CA10: variants seen among roughly 807,000 people sequenced by gnomAD.
The protein encoded by CA10 is carbonic anhydrase-related protein 10.
In CA10, 14 loss-of-function variants were observed where a neutral mutation model predicts 44.2. That is an observed-to-expected ratio of 0.32 (90% confidence interval 0.21 to 0.50). CA10 has a LOEUF of 0.50. Among genes scored for constraint, CA10 ranks in the 20% least tolerant of loss-of-function variants. The pLI is 0.99. For missense variants in CA10, 350 were observed against 409.7 expected (o/e 0.85, Z 1.26); for synonymous variants, 159 against 141.6 (o/e 1.12, Z -0.87).
At chr17:52,002,531 G>T (rs1431651043) in intron 2 of CA10, among the ~76,000 whole-genome samples, 1 of 151,978 alleles carries the variant, frequency 6.6e-6, no homozygotes, top group Non-Finnish European at 1.5e-5. Context: ...TAAACCAATG[G>T]TGAGACTTCA....
chr17:52,144,840 T>C (rs1989550754), intron 1 of CA10, among the ~76,000 whole-genome samples: 1 of 152,200 alleles, frequency 6.6e-6, no homozygotes, highest in South Asian at 2.1e-4. Context: ...TCAAGTGCAT[T>C]CTATATGCCA....
At chr17:52,060,997 A>G (rs1470653150) in intron 2 of CA10, among the ~76,000 whole-genome samples, 1 of 152,184 alleles carries the variant, frequency 6.6e-6, no homozygotes, top group Non-Finnish European at 1.5e-5. Context: ...CTATAAAATC[A>G]TATGTTCATG....
intron 3 of CA10, among the ~76,000 whole-genome samples, chr17:51,863,758 A>T (rs1181585510): frequency 2.0e-5 from 3 of 152,228 alleles, no homozygotes; most frequent in Non-Finnish European, 1.5e-5. Flanking sequence ...CAACCAAAGT[A>T]AGAGATGCAT....
intron 2 of CA10, among the ~76,000 whole-genome samples, chr17:51,993,086 G>A (rs1256175898): frequency 6.6e-6 from 1 of 152,054 alleles, no homozygotes; most frequent in Non-Finnish European, 1.5e-5. Context: ...AGAAGTGCTT[G>A]GGATAATTTG....
chr17:51,717,997 A>G (rs1230681361), intron 4 of CA10, among the ~76,000 whole-genome samples: 3 of 149,020 alleles, frequency 2.0e-5, no homozygotes, highest in Non-Finnish European at 4.4e-5. Context: ...GTTCTCACGG[A>G]TATGTGGGAG....
intron 1 of CA10, among the ~76,000 whole-genome samples, chr17:52,156,716 G>A (rs992279228): frequency 6.6e-6 from 1 of 152,190 alleles, no homozygotes; most frequent in Admixed American, 6.5e-5. Flanking sequence ...ATGACTTCAT[G>A]GGAAGTTGGC....
intron 6 of CA10, among the ~76,000 whole-genome samples, chr17:51,642,417 A>G (rs1913125043): frequency 6.6e-6 from 1 of 152,194 alleles, no homozygotes; most frequent in Non-Finnish European, 1.5e-5. Context: ...GGCAGTTCCA[A>G]GTTGATCTGT....
At chr17:52,102,570 T>C (rs1988564672) in intron 1 of CA10, among the ~76,000 whole-genome samples, 1 of 152,204 alleles carries the variant, frequency 6.6e-6, no homozygotes, top group Admixed American at 6.5e-5. Flanking sequence ...GTTATGTAAC[T>C]AGAAGCTTTC....
At chr17:51,986,819 T>A (rs1984854508) in intron 2 of CA10, among the ~76,000 whole-genome samples, 1 of 151,710 alleles carries the variant, frequency 6.6e-6, no homozygotes, top group South Asian at 2.1e-4. Flanking sequence ...ACCACCTTAC[T>A]CCTGCAAGAA....
intron 3 of CA10, among the ~76,000 whole-genome samples, chr17:51,856,463 T>C (rs940746333): frequency 1.3e-5 from 2 of 151,938 alleles, no homozygotes; most frequent in African/African-American, 2.4e-5. Context: ...GGACAGATAG[T>C]TGTAAAGTAA....
chr17:52,064,550 C>T (rs1476499895), intron 2 of CA10, among the ~76,000 whole-genome samples: 2 of 132,528 alleles, frequency 1.5e-5, no homozygotes, highest in Admixed American at 8.2e-5. Context: ...ACACTCCTTA[C>T]CTGTTAATCA....
intron 2 of CA10, among the ~76,000 whole-genome samples, chr17:51,990,935 CA>C (rs1349094984): frequency 6.6e-6 from 1 of 152,200 alleles, no homozygotes; most frequent in African/African-American, 2.4e-5. Flanking sequence ...ATACCAGAAA[CA>C]GGGAGAAGAA....
At chr17:51,855,920 C>T (rs992554082) in intron 3 of CA10, among the ~76,000 whole-genome samples, 1 of 152,112 alleles carries the variant, frequency 6.6e-6, no homozygotes, top group Non-Finnish European at 1.5e-5. Flanking sequence ...TGCTTTCCTC[C>T]CTAATTGCCA....
At chr17:51,820,339 G>C (rs535385959) in intron 3 of CA10, among the ~76,000 whole-genome samples, 11 of 149,870 alleles carry the variant, frequency 7.3e-5, no homozygotes, top group Non-Finnish European at 1.5e-4. Context: ...AATGTTTGTC[G>C]GATGACTCAT....
intron 3 of CA10, chr17:51,748,487 A>G: frequency 2.0e-6 from 2 of 985,354 alleles, no homozygotes; most frequent in Non-Finnish European, 2.4e-6. Flanking sequence ...ACTGCTTGGC[A>G]TTCCTTTTCC....
Position 51,961,188 on chromosome 17 carries a change from AACACACAC to A in CA10, c.137-30064_137-30057del, listed in dbSNP as rs71149387. ...TACTCTCTCTCTGTATGTACACACA[AACACACAC>A]ACACACACACACACACACACACACA... On this transcript the variant is annotated intron_variant, in intron 2 of 8. Transcript: ENST00000451037. 6.6e-3 allele frequency among the ~76,000 whole-genome samples: 952 copies of A among 145,092 alleles called. 7 individuals carry two copies. The highest frequency in any genetic ancestry group is 0.014 in the Middle Eastern group (4 of 282).
intron 2 of CA10, among the ~76,000 whole-genome samples, chr17:51,940,052 A>C (rs550356593): frequency 2.7e-4 from 41 of 152,222 alleles, no homozygotes; most frequent in African/African-American, 8.9e-4. Flanking sequence ...TTATTTAAAA[A>C]TATACCAGTG....
At chr17:51,758,038 A>G (rs1398401761) in intron 3 of CA10, among the ~76,000 whole-genome samples, 1 of 152,094 alleles carries the variant, frequency 6.6e-6, no homozygotes, top group Non-Finnish European at 1.5e-5. Flanking sequence ...GAGTTGATGT[A>G]CTTCTGAGAT....
At chr17:51,989,100 A>G (rs1354230933) in intron 2 of CA10, among the ~76,000 whole-genome samples, 1 of 151,992 alleles carries the variant, frequency 6.6e-6, no homozygotes, top group African/African-American at 2.4e-5. Context: ...AGAAAAAAAT[A>G]AATGCAGAAT....
Sources: gnomAD v4.1 joint callset for allele counts (sites outside exome capture counted in the v4.1 genomes callset) on GRCh38, gnomAD v4.1.1 for gene constraint, MANE v1.5 for transcripts, NCBI Gene and HGNC (gene_info 2026-07-23, HGNC 2026-07-21) for gene names.